PARD3: variants seen among roughly 807,000 people sequenced by gnomAD.
PARD3 encodes the protein par-3 family cell polarity regulator.
A neutral mutation model predicts 155.4 loss-of-function variants in PARD3; 75 were observed. The observed-to-expected ratio is 0.48, with a 90% CI of 0.40 to 0.58. PARD3 has a LOEUF of 0.58. PARD3 is among the 20% of genes least tolerant of loss of function. The probability of loss-of-function intolerance (pLI) is 0.00; values close to 1 mark genes in which losing one functional copy is unlikely to be tolerated. For synonymous variants in PARD3, 576 were observed against 610.5 expected (o/e 0.94, Z 0.83); for missense variants, 1,642 against 1,721.7 (o/e 0.95, Z 0.82).
At chr10:34,127,192 T>C (rs985086199) in intron 23 of PARD3, among the ~76,000 whole-genome samples, 1 of 152,194 alleles carries the variant, frequency 6.6e-6, no homozygotes, top group Admixed American at 6.5e-5. Flanking sequence ...GAAAAACATC[T>C]AGATACTAAG....
intron 22 of PARD3, among the ~76,000 whole-genome samples, chr10:34,257,139 C>A (rs80162192): frequency 6.6e-6 from 1 of 152,102 alleles, no homozygotes; most frequent in East Asian, 1.9e-4. Context: ...ACTTAGGGTA[C>A]CCAAGGAAAA....
intron 1 of PARD3, among the ~76,000 whole-genome samples, chr10:34,740,226 G>A (rs1309760271): frequency 6.6e-6 from 1 of 152,234 alleles, no homozygotes; most frequent in East Asian, 1.9e-4. Context: ...CCGGCTGGGA[G>A]ACAGCCCCAG....
In PARD3 at chr10:34,382,743, A is replaced by G; in HGVS notation, c.1196T>C (p.Leu399Pro). 1 of 1,614,178 alleles carries G rather than the reference A, an allele frequency of 6.2e-7. No individual in the cohort carries two copies. The highest frequency in any genetic ancestry group is 8.5e-7 in the Non-Finnish European group (1 of 1,180,028). Residue 399 changes from leucine to proline, a missense_variant, in exon 9 of 25, where the codon CTT becomes CCT. This residue lies in a region of PARD3 where 1,529 missense variants were observed against 1,587.3 expected (regional missense o/e 0.96). Coordinates refer to ENST00000374788, the MANE Select transcript of PARD3 (RefSeq NM_001184785.2). The part of the protein sequence containing the change: ...IDNRSVNSAG[L>P]HTVQRAPRLN... ...TCGGGGTGCTCTCTGCACCGTGTGA[A>G]GCCCTGCACTGTTCACACTCCTGTT...
chr10:34,271,225 C>T (rs967783946), intron 21 of PARD3, among the ~76,000 whole-genome samples: 1 of 151,886 alleles, frequency 6.6e-6, no homozygotes, highest in Non-Finnish European at 1.5e-5. Context: ...CAGATAAAGA[C>T]AGCAGCAAAG....
At chr10:34,478,116 A>G (rs2078831137) in intron 3 of PARD3, among the ~76,000 whole-genome samples, 2 of 152,252 alleles carry the variant, frequency 1.3e-5, no homozygotes, top group African/African-American at 4.8e-5. Flanking sequence ...CAAATGACTC[A>G]GAGAGAAGGA....
At chr10:34,668,067 A>C (rs2093531767) in intron 2 of PARD3, among the ~76,000 whole-genome samples, 1 of 152,176 alleles carries the variant, frequency 6.6e-6, no homozygotes, top group Non-Finnish European at 1.5e-5. Flanking sequence ...TGAAATGGTC[A>C]AGGTGGAAAA....
At chr10:34,667,929 A>G (rs1358407451) in intron 2 of PARD3, among the ~76,000 whole-genome samples, 1 of 152,190 alleles carries the variant, frequency 6.6e-6, no homozygotes, top group African/African-American at 2.4e-5. Context: ...CATAAAGGGG[A>G]ATGAGAAGAA....
chr10:34,526,255 G>A (rs1298706565), intron 2 of PARD3, among the ~76,000 whole-genome samples: 3 of 151,906 alleles, frequency 2.0e-5, no homozygotes, highest in African/African-American at 7.3e-5. Flanking sequence ...AATGTTAAAC[G>A]TTAGTGAGCA....
intron 2 of PARD3, among the ~76,000 whole-genome samples, chr10:34,523,952 A>G (rs1300262474): frequency 6.6e-6 from 1 of 152,196 alleles, no homozygotes; most frequent in Non-Finnish European, 1.5e-5. Context: ...GATGTCCAAA[A>G]AAATTATAAA....
chr10:34,298,985 A>C (rs937676945), intron 20 of PARD3, among the ~76,000 whole-genome samples: 1 of 152,222 alleles, frequency 6.6e-6, no homozygotes, highest in Non-Finnish European at 1.5e-5. Flanking sequence ...ATAAGCAAGC[A>C]AGGAGTGTCT....
intron 6 of PARD3, 78 bp downstream of exon 6, chr10:34,401,741 CATGCCAT>C: frequency 1.1e-6 from 1 of 874,854 alleles, no homozygotes; most frequent in Non-Finnish European, 2.0e-6. Context: ...AAACATTCCT[CATGCCAT>C]ATGCTTTCAG....
chr10:34,259,076 A>G (rs1011805266), intron 22 of PARD3, among the ~76,000 whole-genome samples: 1 of 152,056 alleles, frequency 6.6e-6, no homozygotes, highest in Non-Finnish European at 1.5e-5. Flanking sequence ...TCTAAAAAAA[A>G]AGGATAGTTT....
At chr10:34,318,840 A>ACTGCAACCTCCGCCTCC (rs1958183914) in intron 19 of PARD3, among the ~76,000 whole-genome samples, 1 of 151,968 alleles carries the variant, frequency 6.6e-6, no homozygotes, top group South Asian at 2.1e-4. Flanking sequence ...ATCTCGACTC[A>ACTGCAACCTCCGCCTCC]CTGCAACCTC....
chr10:34,166,829 G>A (rs971180224), intron 22 of PARD3, among the ~76,000 whole-genome samples: 1 of 152,132 alleles, frequency 6.6e-6, no homozygotes, highest in Non-Finnish European at 1.5e-5. Context: ...CTTAAAGATT[G>A]TTGTAAGGTG....
intron 21 of PARD3, among the ~76,000 whole-genome samples, chr10:34,271,148 T>C (rs1220791011): frequency 6.6e-6 from 1 of 152,134 alleles, no homozygotes; most frequent in Admixed American, 6.5e-5. Flanking sequence ...ATGTTTGAAG[T>C]AGACCTCTGC....
At position 34,449,718 on chromosome 10, in the gene PARD3, A is replaced by G. The variant is rs192125223; in HGVS notation, c.714+599T>C. On this transcript the variant is annotated intron_variant, in intron 5 of 24. Transcript: ENST00000374788. The stretch of plus-strand genomic sequence containing the variant: ...AAATAGTCATTCTTCCCAAGGCAGA[A>G]AACAATTATTTCTGAGTGGTAAACA... 3.9e-5 allele frequency among the ~76,000 whole-genome samples: 6 copies of G among 152,336 alleles called. No homozygotes were observed. The East Asian group carries it at 1.2e-3, about 29-fold the overall frequency.
intron 2 of PARD3, among the ~76,000 whole-genome samples, chr10:34,573,728 C>A (rs1361767046): frequency 1.1e-5 from 1 of 91,658 alleles, no homozygotes; most frequent in East Asian, 3.3e-4. Context: ...AACAAACAAA[C>A]AAACAAAAAC....
intron 2 of PARD3, among the ~76,000 whole-genome samples, chr10:34,665,479 C>T (rs1262400021): frequency 6.6e-6 from 1 of 151,958 alleles, no homozygotes; most frequent in Non-Finnish European, 1.5e-5. Flanking sequence ...GAGATTGTGC[C>T]GTTGCACTCC....
At chr10:34,238,127 C>T (rs1312104486) in intron 22 of PARD3, among the ~76,000 whole-genome samples, 2 of 152,176 alleles carry the variant, frequency 1.3e-5, no homozygotes, top group African/African-American at 4.8e-5. Context: ...TCAGATGTTT[C>T]CCAAAGATGC....
Sources: gnomAD v4.1 joint callset for allele counts (sites outside exome capture counted in the v4.1 genomes callset) on GRCh38, gnomAD v4.1.1 for gene constraint, gnomAD v4.1.1 regional missense constraint, MANE v1.5 for transcripts, NCBI Gene and HGNC (gene_info 2026-07-23, HGNC 2026-07-21) for gene names.